The following PLEKHA6 variants were observed in gnomAD, a reference collection of about 807,000 sequenced individuals.
PLEKHA6 encodes the protein pleckstrin homology domain-containing family A member 6.
PLEKHA6 carries 60 observed loss-of-function variants against 116.7 expected under a neutral mutation model. That is an observed-to-expected ratio of 0.51 (90% confidence interval 0.42 to 0.64). The LOEUF is 0.64. Among genes scored for constraint, PLEKHA6 ranks in the 30% least tolerant of loss-of-function variants. PLEKHA6 has a pLI of 0.00. For synonymous variants in PLEKHA6, 489 were observed against 556.1 expected, an observed-to-expected ratio of 0.88 and a Z score of 1.70; for missense variants, 1,338 against 1,422.7, an observed-to-expected ratio of 0.94 and a Z score of 0.96.
At chr1:204,295,555 G>C (rs1670194304) in intron 1 of PLEKHA6, among the ~76,000 whole-genome samples, 1 of 151,802 alleles carries the variant, frequency 6.6e-6, no homozygotes, top group Non-Finnish European at 1.5e-5. Context: ...GCTGCATAAG[G>C]TGTGTAGCAA....
At chr1:204,281,829 C>T (rs1668651257) in intron 1 of PLEKHA6, among the ~76,000 whole-genome samples, 1 of 152,190 alleles carries the variant, frequency 6.6e-6, no homozygotes, top group Non-Finnish European at 1.5e-5. Flanking sequence ...AGCTACTCGG[C>T]TGCATGTCTA....
At chr1:204,354,882 G>A (rs58595918) in intron 1 of PLEKHA6, among the ~76,000 whole-genome samples, 3,751 of 152,338 alleles carry the variant, frequency 0.025, 54 homozygotes, top group Middle Eastern at 0.089. Context: ...GCAGGGGCGC[G>A]GACAGGGGCT....
At chr1:204,289,430 T>C (rs2103018380) in intron 1 of PLEKHA6, among the ~76,000 whole-genome samples, 1 of 152,294 alleles carries the variant, frequency 6.6e-6, no homozygotes, top group African/African-American at 2.4e-5. Flanking sequence ...TTATCACCCC[T>C]GGTTCCTGTT....
chr1:204,336,527 G>A (rs1393018994), intron 1 of PLEKHA6, among the ~76,000 whole-genome samples: 1 of 152,138 alleles, frequency 6.6e-6, no homozygotes, highest in African/African-American at 2.4e-5. Flanking sequence ...TCTAGCTGAG[G>A]CCATCAGGGC....
At chr1:204,234,301 T>C (rs764496947) in intron 17 of PLEKHA6, among the ~76,000 whole-genome samples, 1 of 152,172 alleles carries the variant, frequency 6.6e-6, no homozygotes, top group Non-Finnish European at 1.5e-5. Context: ...AGGAAACAGA[T>C]TGTGTCTCAG....
At chr1:204,276,518 T>C (rs1332332185) in intron 1 of PLEKHA6, among the ~76,000 whole-genome samples, 1 of 152,102 alleles carries the variant, frequency 6.6e-6, no homozygotes, top group Non-Finnish European at 1.5e-5. Context: ...AGGTGTCAAG[T>C]TGTCTGCTTT....
chr1:204,256,691 GCCAGGCACTA>G, intron 9 of PLEKHA6: 1 of 430,824 alleles, frequency 2.3e-6, no homozygotes, highest in Non-Finnish European at 4.1e-6. Context: ...AACCAGCCAG[GCCAGGCACTA>G]GGCACAGAGC....
chr1:204,224,133 T>A (rs1239665845), intron 21 of PLEKHA6, among the ~76,000 whole-genome samples: 4 of 152,080 alleles, frequency 2.6e-5, no homozygotes, highest in Non-Finnish European at 5.9e-5. Context: ...GGAAACATGT[T>A]CCCTGCTAAC....
Position 204,228,301 on chromosome 1 carries a change from C to G in PLEKHA6, c.2886-73G>C. ...CAAGTGGCTTGAGGGGGCCTGCGGACTGAGGTTGGCAGGGAGGGCCAGGGC... is the reference window on the plus strand; with the variant it reads ...CAAGTGGCTTGAGGGGGCCTGCGGAGTGAGGTTGGCAGGGAGGGCCAGGGC... On this transcript the variant is annotated intron_variant, in intron 20 of 22. Transcript: ENST00000272203. The surrounding 1 kb of genome is among the most constrained non-coding windows in gnomAD (Gnocchi z 4.0). 1 of 1,467,262 alleles carries G rather than the reference C, an allele frequency of 6.8e-7. No individual in the cohort carries two copies. The highest frequency in any genetic ancestry group is 9.2e-7 in the Non-Finnish European group (1 of 1,083,348). The allele number at this position is 1,467,262 out of a possible 1,614,324, so 90.9% of individuals were successfully genotyped here.
chr1:204,277,235 G>A lies in PLEKHA6; in HGVS notation c.-94-2426C>T, dbSNP rs1668111917. 6.6e-6 allele frequency: 1 copy of A among 152,324 alleles called. No individual in the cohort carries two copies. The highest frequency in any genetic ancestry group is 2.1e-4 in the South Asian group (1 of 4,824). 9.4% of individuals were successfully genotyped at this position (152,324 alleles called of 1,614,324 possible). On this transcript the variant is annotated intron_variant, in intron 1 of 22. Coordinates refer to ENST00000272203, the MANE Select transcript of PLEKHA6 (RefSeq NM_014935.5). The surrounding 1 kb of genome is among the most constrained non-coding windows in gnomAD (Gnocchi z 4.1). ...CAGGAGGGCACTCTCCTTGGGTGGT[G>A]GTAGGGGTCGCCTAGGTGCCCTAGT... is the stretch of plus-strand genomic sequence containing the variant.
intron 13 of PLEKHA6, among the ~76,000 whole-genome samples, chr1:204,246,407 C>G (rs1663689725): frequency 1.3e-5 from 2 of 152,172 alleles, no homozygotes; most frequent in Non-Finnish European, 2.9e-5. Flanking sequence ...AGTTAGCGCC[C>G]TTGACCACAA....
At chr1:204,239,697 C>T (rs951613090) in intron 17 of PLEKHA6, among the ~76,000 whole-genome samples, 3 of 152,162 alleles carry the variant, frequency 2.0e-5, no homozygotes, top group Non-Finnish European at 4.4e-5. Flanking sequence ...GGTGGAATGG[C>T]CTTTTGAAGT....
upstream of PLEKHA6, among the ~76,000 whole-genome samples, chr1:204,362,347 G>A (rs996677510): frequency 4.6e-5 from 7 of 152,168 alleles, no homozygotes; most frequent in South Asian, 4.1e-4. Flanking sequence ...GCACCTCTGC[G>A]ATCCCGTCTC....
At chr1:204,292,220 C>T (rs947978377) in intron 1 of PLEKHA6, among the ~76,000 whole-genome samples, 6 of 152,314 alleles carry the variant, frequency 3.9e-5, no homozygotes, top group East Asian at 1.9e-4. Flanking sequence ...AAATCCTTTA[C>T]GGTTCACAAA....
In PLEKHA6 at chr1:204,265,051, G is replaced by A; in HGVS notation, c.281-9C>T. 6.3e-7 allele frequency: 1 copy of A among 1,597,558 alleles called. No individual in the cohort carries two copies. ...ACTCTCTTCCTTCTCATCTGTCAGG[G>A]AGAGAGGCACAAGAAGGGTGTGTGT... On this transcript the variant is annotated splice_polypyrimidine_tract_variant and intron_variant, in intron 5 of 22. Coordinates refer to ENST00000272203, the MANE Select transcript of PLEKHA6 (RefSeq NM_014935.5).
intron 1 of PLEKHA6, among the ~76,000 whole-genome samples, chr1:204,318,510 A>G (rs1671943463): frequency 6.6e-6 from 1 of 152,110 alleles, no homozygotes; most frequent in Non-Finnish European, 1.5e-5. Flanking sequence ...TAGCAGGGGA[A>G]GGCCGGCCCT....
At chr1:204,323,343 A>G (rs1359132311) in intron 1 of PLEKHA6, among the ~76,000 whole-genome samples, 1 of 152,206 alleles carries the variant, frequency 6.6e-6, no homozygotes, top group Non-Finnish European at 1.5e-5. Flanking sequence ...GCACCCCTCA[A>G]GGTAGGATGG....
At chr1:204,249,054 TTCAACA>T in intron 11 of PLEKHA6, 84 bp from the exon 12 acceptor site, 1 of 1,523,892 alleles carries the variant, frequency 6.6e-7, no homozygotes, top group Non-Finnish European at 9.0e-7. Flanking sequence ...CCCTTAGAGG[TTCAACA>T]GGCAGCTGAG....
rs79335875 is a variant in PLEKHA6 at position 204,258,950 on chromosome 1, C to T, written c.1007+308G>A. Among the ~76,000 whole-genome samples the T allele has an allele frequency of 1.3e-3, 191 of 152,304 alleles. 1 individual carries two copies. Among genetic ancestry groups the T allele is most frequent in the African/African-American group, 4.3e-3 (179 of 41,574 alleles). On this transcript the variant is annotated intron_variant, in intron 8 of 22. Transcript: ENST00000272203. ...GTATGACTATAACAACTTCAGGCCC[C>T]CTCCCAAAGCCTGCTGTGTTCTGGG... is the stretch of plus-strand genomic sequence containing the variant.
Sources: allele counts gnomAD v4.1 joint callset (sites outside exome capture counted in the v4.1 genomes callset), GRCh38; gene constraint gnomAD v4.1.1; non-coding constraint Gnocchi (gnomAD v3.1); transcripts MANE v1.5; gene names NCBI Gene and HGNC (gene_info 2026-07-23, HGNC 2026-07-21).